UNC5D: variants seen among roughly 807,000 people sequenced by gnomAD.
UNC5D encodes unc-5 netrin receptor D, also known as netrin receptor UNC5D.
A neutral mutation model predicts 105.4 loss-of-function variants in UNC5D; 39 were observed. That is an observed-to-expected ratio of 0.37 (90% confidence interval 0.29 to 0.48). The LOEUF is 0.48. UNC5D is among the 20% of genes least tolerant of loss of function. The pLI is 0.98. For missense variants in UNC5D, 991 were observed against 1,202.4 expected, an observed-to-expected ratio of 0.82 and a Z score of 2.60; for synonymous variants, 452 against 450.4, an observed-to-expected ratio of 1.00 and a Z score of -0.04.
chr8:35,590,546 GA>G (rs974184313), intron 3 of UNC5D, among the ~76,000 whole-genome samples: 7 of 151,910 alleles, frequency 4.6e-5, no homozygotes, highest in Admixed American at 4.6e-4. Context: ...AAGTGTCTCT[GA>G]AAAATGCACT....
chr8:35,270,821 T>C (rs1289918925), intron 1 of UNC5D, among the ~76,000 whole-genome samples: 1 of 152,120 alleles, frequency 6.6e-6, no homozygotes, highest in African/African-American at 2.4e-5. Flanking sequence ...TTATAGGCAG[T>C]CATTTCTTCC....
intron 1 of UNC5D, among the ~76,000 whole-genome samples, chr8:35,325,735 A>G (rs548137796): frequency 1.3e-5 from 2 of 152,348 alleles, no homozygotes; most frequent in East Asian, 1.9e-4. Flanking sequence ...AAGGCATGAT[A>G]AACCCTCACA....
intron 15 of UNC5D, among the ~76,000 whole-genome samples, chr8:35,768,054 T>G (rs1382474293): frequency 6.6e-6 from 1 of 151,124 alleles, no homozygotes; most frequent in Non-Finnish European, 1.5e-5. Flanking sequence ...ATTTATAAAT[T>G]TAGGCTTGGC....
chr8:35,483,543 G>A (rs1008495504), intron 1 of UNC5D, among the ~76,000 whole-genome samples: 1 of 152,150 alleles, frequency 6.6e-6, no homozygotes, highest in Non-Finnish European at 1.5e-5. Context: ...AGGAAATTTA[G>A]CTTGAAAGGC....
At chr8:35,281,143 G>T (rs1585485308) in intron 1 of UNC5D, among the ~76,000 whole-genome samples, 1 of 152,022 alleles carries the variant, frequency 6.6e-6, no homozygotes, top group Admixed American at 6.6e-5. Context: ...CCGTCTCCCC[G>T]TGGGCAAACT....
At chr8:35,479,800 G>A (rs1810355203) in intron 1 of UNC5D, among the ~76,000 whole-genome samples, 1 of 152,116 alleles carries the variant, frequency 6.6e-6, no homozygotes. Flanking sequence ...GAGAACATAG[G>A]TTGGAAGGCT....
intron 1 of UNC5D, among the ~76,000 whole-genome samples, chr8:35,348,758 C>A (rs1377127750): frequency 6.6e-6 from 1 of 151,646 alleles, no homozygotes. Flanking sequence ...TGTATATATC[C>A]TGGACTTAAT....
chr8:35,468,147 T>C (rs1809445765), intron 1 of UNC5D, among the ~76,000 whole-genome samples: 1 of 152,198 alleles, frequency 6.6e-6, no homozygotes, highest in South Asian at 2.1e-4. Flanking sequence ...TAGTTGAAAC[T>C]AACTTAGCCC....
Position 35,796,520 on chromosome 8 carries a change from A to G in UNC5D, c.*5957A>G, listed in dbSNP as rs757933364. On this transcript the variant is annotated 3_prime_UTR_variant, in exon 17 of 17. Transcript: ENST00000404895. Reference sequence around the variant, plus strand: ...ATTACTGCATATCAGTTATTTATGAATAAAGAGTCTTTTATTGACATTTTA... The same window carrying G: ...ATTACTGCATATCAGTTATTTATGAGTAAAGAGTCTTTTATTGACATTTTA... The G allele has an allele frequency of 2.0e-5, 3 of 151,956 alleles. No homozygotes were observed. Among genetic ancestry groups the G allele is most frequent in the Non-Finnish European group, 2.9e-5 (2 of 68,008 alleles). 9.4% of individuals were successfully genotyped at this position (151,956 alleles called of 1,614,324 possible). A position where few individuals can be genotyped will look rare whatever the true frequency, so the allele number is the denominator to read the frequency against.
chr8:35,760,419 A>T (rs1373660471), intron 14 of UNC5D, among the ~76,000 whole-genome samples: 1 of 150,782 alleles, frequency 6.6e-6, no homozygotes, highest in African/African-American at 2.5e-5. Flanking sequence ...CCTATTAGAG[A>T]TTTAAAAAAA....
At chr8:35,367,779 A>G (rs1802204612) in intron 1 of UNC5D, among the ~76,000 whole-genome samples, 2 of 152,142 alleles carry the variant, frequency 1.3e-5, no homozygotes, top group African/African-American at 2.4e-5. Context: ...ACTTGCTCTG[A>G]TTGGTCTCCT....
chr8:35,731,430 G>A lies in UNC5D; in HGVS notation c.1766+334G>A, dbSNP rs560468434. ...AAAAAAAAAAAAAAAAAAAAAAAAA[G>A]GGCATTTTAAATATGGACTGGAACT... On this transcript the variant is annotated intron_variant, in intron 11 of 16. Transcript: ENST00000404895. Among the ~76,000 whole-genome samples the A allele has an allele frequency of 9.8e-3, 1,088 of 111,144 alleles. 27 individuals carry two copies. Among genetic ancestry groups the A allele is most frequent in the African/African-American group, 0.035 (1,003 of 28,398 alleles). 72.9% of individuals were successfully genotyped at this position (111,144 alleles called of 152,430 possible). A position where few individuals can be genotyped will look rare whatever the true frequency, so the allele number is the denominator to read the frequency against.
intron 1 of UNC5D, among the ~76,000 whole-genome samples, chr8:35,416,850 C>G (rs1186186481): frequency 6.6e-6 from 1 of 152,184 alleles, no homozygotes; most frequent in African/African-American, 2.4e-5. Context: ...GATTCAACAG[C>G]AAACTCAGTT....
Position 35,791,317 on chromosome 8 carries a change from G to GT in UNC5D, c.*760dup, listed in dbSNP as rs1365179867. 1 of 152,424 alleles carries GT rather than the reference G, an allele frequency of 6.6e-6. No individual in the cohort carries two copies. Among genetic ancestry groups the GT allele is most frequent in the Non-Finnish European group, 1.5e-5 (1 of 68,216 alleles). The allele number at this position is 152,424 out of a possible 1,614,324, so 9.4% of individuals were successfully genotyped here. On this transcript the variant is annotated 3_prime_UTR_variant, in exon 17 of 17. Coordinates refer to ENST00000404895, the MANE Select transcript of UNC5D (RefSeq NM_080872.4). Reference sequence around the variant, plus strand: ...ATTAAACTTGTCAATACGGAAAGTTGTTTTTTCTAACACAACAAAGTGGGA... The same window carrying GT: ...ATTAAACTTGTCAATACGGAAAGTTGTTTTTTTCTAACACAACAAAGTGGGA...
intron 4 of UNC5D, among the ~76,000 whole-genome samples, chr8:35,627,248 T>C (rs1821745145): frequency 6.6e-6 from 1 of 152,096 alleles, no homozygotes; most frequent in Admixed American, 6.6e-5. Context: ...TAGAGTAAAA[T>C]CCAATGACCT....
chr8:35,685,825 C>T (rs1282142746), intron 6 of UNC5D, among the ~76,000 whole-genome samples: 2 of 152,064 alleles, frequency 1.3e-5, no homozygotes, highest in African/African-American at 4.8e-5. Flanking sequence ...TTATAGTACC[C>T]TATTCTTGAT....
intron 4 of UNC5D, among the ~76,000 whole-genome samples, chr8:35,650,596 T>A (rs1417167250): frequency 2.0e-5 from 3 of 152,126 alleles, no homozygotes; most frequent in African/African-American, 7.2e-5. Flanking sequence ...GCCTCCTGAG[T>A]AGCTGAGATT....
chr8:35,538,362 A>AG (rs1304057932), intron 1 of UNC5D, among the ~76,000 whole-genome samples: 1 of 145,846 alleles, frequency 6.9e-6, no homozygotes, highest in Non-Finnish European at 1.5e-5. Flanking sequence ...ACGTCATGAA[A>AG]GGCCTGGTCA....
intron 4 of UNC5D, among the ~76,000 whole-genome samples, chr8:35,675,186 C>T (rs138083857): frequency 1.4e-4 from 21 of 152,310 alleles, no homozygotes; most frequent in African/African-American, 4.8e-4. Flanking sequence ...AGCAGTCTTA[C>T]TCTTCTAGGT....
Sources: allele counts gnomAD v4.1 joint callset (sites outside exome capture counted in the v4.1 genomes callset), GRCh38; gene constraint gnomAD v4.1.1; transcripts MANE v1.5; gene names NCBI Gene and HGNC (gene_info 2026-07-23, HGNC 2026-07-21).